The following FRMD4B variants were observed in gnomAD, a reference collection of about 807,000 sequenced individuals.
FRMD4B encodes FERM domain-containing protein 4B.
A neutral mutation model predicts 141.5 loss-of-function variants in FRMD4B; 74 were observed. That is an observed-to-expected ratio of 0.52 (90% CI 0.43 to 0.63). FRMD4B has a LOEUF of 0.63. Ranked by LOEUF, FRMD4B falls within the 30% of genes least tolerant of loss-of-function variation. The pLI is 0.00. For synonymous variants in FRMD4B, 506 were observed against 467.9 expected (o/e 1.08, Z -1.05); for missense variants, 1,366 against 1,253.4 (o/e 1.09, Z -1.36).
chr3:69,454,370 G>A (rs1346402921), intron 1 of FRMD4B, among the ~76,000 whole-genome samples: 2 of 152,240 alleles, frequency 1.3e-5, no homozygotes, highest in African/African-American at 2.4e-5. Flanking sequence ...CTGCTGCACC[G>A]TGGGAGCCCC....
In FRMD4B at chr3:69,486,632, G is replaced by A. The variant is rs188580225; in HGVS notation, c.-128-53871C>T. Among the ~76,000 whole-genome samples the A allele has an allele frequency of 7.2e-4, 109 of 152,232 alleles. 1 individual carries two copies. The highest frequency in any genetic ancestry group is 2.6e-3 in the African/African-American group (109 of 41,528). On this transcript the variant is annotated intron_variant, in intron 1 of 5. Transcript: ENST00000459638. ...ACATTGAATCTTGGAAAGAAAAGGG[G>A]GGAAAATGTTTATAAGGAGAAGGGA...
At chr3:69,214,594 C>T (rs1232524815) in intron 11 of FRMD4B, among the ~76,000 whole-genome samples, 1 of 152,124 alleles carries the variant, frequency 6.6e-6, no homozygotes, top group Non-Finnish European at 1.5e-5. Context: ...CACAGTGGCT[C>T]GTGCCTGTAA....
intron 2 of FRMD4B, among the ~76,000 whole-genome samples, chr3:69,413,318 C>A (rs1221554091): frequency 6.6e-6 from 1 of 152,138 alleles, no homozygotes; most frequent in African/African-American, 2.4e-5. Context: ...CTCCATTTTA[C>A]AGTTAAAGAA....
At chr3:69,405,624 G>A (rs1356356287) in intron 2 of FRMD4B, among the ~76,000 whole-genome samples, 1 of 152,180 alleles carries the variant, frequency 6.6e-6, no homozygotes, top group East Asian at 1.9e-4. Flanking sequence ...TCTCTACAAG[G>A]GCTCTTACCT....
chr3:69,330,941 C>T (rs1702349378), intron 1 of FRMD4B, among the ~76,000 whole-genome samples: 1 of 152,182 alleles, frequency 6.6e-6, no homozygotes, highest in African/African-American at 2.4e-5. Flanking sequence ...CAGATTTGAG[C>T]ACATGTCATT....
chr3:69,385,940 C>CT lies in FRMD4B; in HGVS notation c.49dup (p.Ser17LysfsTer52). ...CACGGTCAAGTTCCATACGAAGCGG[C>CT]TGCCGCTGAACAGCAGGTCCTCCAC... On this transcript the variant is annotated frameshift_variant, in exon 1 of 23. Transcript: ENST00000398540. LOFTEE classifies it high-confidence loss of function. 6.2e-7 allele frequency: 1 copy of CT among 1,605,504 alleles called. No homozygotes were observed. Among genetic ancestry groups the CT allele is most frequent in the Non-Finnish European group, 8.5e-7 (1 of 1,176,464 alleles).
In FRMD4B at chr3:69,215,284, CTTTTTTTTT is replaced by C. The variant is rs577275162; in HGVS notation, c.876+970_876+978del. 1.9e-3 allele frequency among the ~76,000 whole-genome samples: 86 copies of C among 45,224 alleles called. 2 individuals carry two copies. Among genetic ancestry groups the C allele is most frequent in the African/African-American group, 5.9e-3 (82 of 13,880 alleles). 29.7% of individuals were successfully genotyped at this position (45,224 alleles called of 152,430 possible). On this transcript the variant is annotated intron_variant, in intron 11 of 22. Coordinates refer to ENST00000398540, the MANE Select transcript of FRMD4B (RefSeq NM_015123.3). Reference sequence around the variant, plus strand: ...TCCAAATCTGATAGATTGTGACCCTCTTTTTTTTTTTTTTTTTTTTTTTTTTGAGATGGA... The same window carrying C: ...TCCAAATCTGATAGATTGTGACCCTCTTTTTTTTTTTTTTTTTGAGATGGA...
At chr3:69,378,902 A>T (rs1704042924) in intron 1 of FRMD4B, among the ~76,000 whole-genome samples, 1 of 151,984 alleles carries the variant, frequency 6.6e-6, no homozygotes. Flanking sequence ...TTGTCCTTCA[A>T]AGAAAGGCAT....
intron 5 of FRMD4B, among the ~76,000 whole-genome samples, chr3:69,275,197 T>C (rs1337065367): frequency 6.6e-6 from 1 of 152,162 alleles, no homozygotes; most frequent in Non-Finnish European, 1.5e-5. Context: ...AATATTGAGA[T>C]TATGGATCTT....
At chr3:69,365,580 C>A (rs1703616463) in intron 1 of FRMD4B, among the ~76,000 whole-genome samples, 1 of 141,666 alleles carries the variant, frequency 7.1e-6, no homozygotes, top group African/African-American at 3.0e-5. Context: ...TCTCGACTCA[C>A]CACAAACTGC....
At chr3:69,283,042 G>A (rs2093651377) in intron 5 of FRMD4B, among the ~76,000 whole-genome samples, 1 of 151,902 alleles carries the variant, frequency 6.6e-6, no homozygotes, top group Non-Finnish European at 1.5e-5. Context: ...ATTATGTTCT[G>A]TAAAAGTTCT....
chr3:69,516,711 A>G (rs1700765054), intron 1 of FRMD4B, among the ~76,000 whole-genome samples: 1 of 152,178 alleles, frequency 6.6e-6, no homozygotes, highest in Admixed American at 6.5e-5. Context: ...TACCAGAGAG[A>G]AGTCATTGGA....
intron 5 of FRMD4B, among the ~76,000 whole-genome samples, chr3:69,270,279 T>C (rs1178391745): frequency 6.6e-6 from 1 of 152,254 alleles, no homozygotes; most frequent in Admixed American, 6.5e-5. Context: ...CTTCTATTCA[T>C]TCAATTTCTT....
At chr3:69,172,831 ATTTC>A (rs1290249890) in intron 22 of FRMD4B, among the ~76,000 whole-genome samples, 2 of 152,162 alleles carry the variant, frequency 1.3e-5, no homozygotes, top group Non-Finnish European at 2.9e-5. Context: ...CAGTTAGTTG[ATTTC>A]TTTTTTATTT....
intron 2 of FRMD4B, among the ~76,000 whole-genome samples, chr3:69,430,757 C>T (rs572784656): frequency 3.0e-4 from 46 of 152,314 alleles, no homozygotes; most frequent in Non-Finnish European, 5.9e-4. Context: ...CTGACTTCTG[C>T]CCTCATTGCG....
chr3:69,267,634 T>TAGAG (rs2093572865), intron 5 of FRMD4B, among the ~76,000 whole-genome samples: 1 of 10,274 alleles, frequency 9.7e-5, no homozygotes, highest in African/African-American at 3.7e-4. Flanking sequence ...TATATATATA[T>TAGAG]ATAGAGAGAG....
intron 7 of FRMD4B, among the ~76,000 whole-genome samples, chr3:69,231,647 T>C (rs1372018306): frequency 6.6e-6 from 1 of 152,256 alleles, no homozygotes; most frequent in Non-Finnish European, 1.5e-5. Context: ...CATTATTCTA[T>C]GTGATATAAT....
rs569071384 is a variant in FRMD4B, at chr3:69,262,377, A to G, written c.502-12278T>C. Among the ~76,000 whole-genome samples the G allele has an allele frequency of 9.2e-5, 14 of 151,896 alleles. No individual in the cohort carries two copies. In the East Asian group the frequency reaches 1.2e-3, roughly 13 times the overall value. The stretch of plus-strand genomic sequence containing the variant: ...GTATACACCTAGCAGACATGTTTGC[A>G]TATGTCCACTCAAAGACAGGCACTA... On this transcript the variant is annotated intron_variant, in intron 5 of 22. Transcript: ENST00000398540.
intron 5 of FRMD4B, among the ~76,000 whole-genome samples, chr3:69,265,196 A>G (rs1270115043): frequency 2.2e-5 from 3 of 133,522 alleles, no homozygotes; most frequent in Non-Finnish European, 4.7e-5. Flanking sequence ...TGGAGCTTGC[A>G]GTGAGCCGAG....
Sources: gnomAD v4.1 joint callset for allele counts (sites outside exome capture counted in the v4.1 genomes callset) on GRCh38, gnomAD v4.1.1 for gene constraint, MANE v1.5 for transcripts, NCBI Gene and HGNC (gene_info 2026-07-23, HGNC 2026-07-21) for gene names.